DGKB: variants seen among roughly 807,000 people sequenced by gnomAD.
DGKB encodes diacylglycerol kinase beta.
A neutral mutation model predicts 114.3 loss-of-function variants in DGKB; 67 were observed. The ratio of observed to expected loss-of-function variants is 0.59; its 90% confidence interval spans 0.48 to 0.72. DGKB has a LOEUF of 0.72. DGKB is among the 30% of genes least tolerant of loss of function. The pLI, the probability that DGKB is intolerant of heterozygous loss-of-function variation, is 0.00. For synonymous variants in DGKB, 398 were observed against 323.1 expected (o/e 1.23, Z -2.49); for missense variants, 907 against 975.2 (o/e 0.93, Z 0.93).
intron 23 of DGKB, among the ~76,000 whole-genome samples, chr7:14,266,237 T>C (rs941999114): frequency 6.6e-6 from 1 of 152,236 alleles, no homozygotes; most frequent in African/African-American, 2.4e-5. Context: ...TTTTGACTGA[T>C]TGATTCTAAG....
At chr7:14,430,074 A>G (rs1428442084) in intron 21 of DGKB, among the ~76,000 whole-genome samples, 1 of 152,066 alleles carries the variant, frequency 6.6e-6, no homozygotes, top group African/African-American at 2.4e-5. Flanking sequence ...ATTCTTTCAC[A>G]GGAAATATGT....
intron 1 of DGKB, among the ~76,000 whole-genome samples, chr7:14,864,617 G>A (rs201975354): frequency 6.6e-6 from 1 of 152,174 alleles, no homozygotes; most frequent in African/African-American, 2.4e-5. Flanking sequence ...CCGGGCTTTA[G>A]AGAAGAGGTT....
intron 2 of DGKB, among the ~76,000 whole-genome samples, chr7:14,783,184 T>C (rs1269545243): frequency 2.0e-5 from 3 of 152,290 alleles, no homozygotes; most frequent in South Asian, 2.1e-4. Context: ...AAATATTACT[T>C]GAAATAATGA....
chr7:14,961,948 C>T (rs1786869306), intron 1 of DGKB, among the ~76,000 whole-genome samples: 1 of 152,078 alleles, frequency 6.6e-6, no homozygotes, highest in African/African-American at 2.4e-5. Flanking sequence ...AAGTATTGCA[C>T]ACTAATTAAC....
At chr7:14,149,402 T>C (rs1781852817) in intron 25 of DGKB, among the ~76,000 whole-genome samples, 164 bp from the exon 26 acceptor site, 1 of 152,142 alleles carries the variant, frequency 6.6e-6, no homozygotes. Flanking sequence ...TTCAAAAATA[T>C]TTTTAAGGGA....
intron 7 of DGKB, among the ~76,000 whole-genome samples, chr7:14,701,036 A>G (rs1483605076): frequency 6.6e-6 from 1 of 152,178 alleles, no homozygotes; most frequent in African/African-American, 2.4e-5. Context: ...TCTGAAAGCT[A>G]GCAATGATTT....
intron 9 of DGKB, among the ~76,000 whole-genome samples, chr7:14,689,352 T>G (rs924493845): frequency 1.3e-5 from 2 of 152,070 alleles, no homozygotes; most frequent in East Asian, 1.9e-4. Context: ...ATTTTTTGTA[T>G]TTTTAGTAGA....
At chr7:14,454,673 C>A (rs1239454950) in intron 21 of DGKB, among the ~76,000 whole-genome samples, 1 of 151,956 alleles carries the variant, frequency 6.6e-6, no homozygotes, top group Non-Finnish European at 1.5e-5. Context: ...TTTTCACTTT[C>A]TAAGAATCAC....
At chr7:14,833,071 C>T (rs971856936) in intron 2 of DGKB, among the ~76,000 whole-genome samples, 3 of 152,042 alleles carry the variant, frequency 2.0e-5, no homozygotes, top group African/African-American at 7.2e-5. Flanking sequence ...ATCCTTCTTC[C>T]TTAGTCTCCA....
chr7:14,760,695 A>C (rs1181308156), intron 2 of DGKB, among the ~76,000 whole-genome samples: 1 of 152,246 alleles, frequency 6.6e-6, no homozygotes, highest in South Asian at 2.1e-4. Flanking sequence ...GGCCAATGAT[A>C]AAATGGAAGG....
At chr7:14,684,809 T>A (rs1162782731) in intron 10 of DGKB, among the ~76,000 whole-genome samples, 1 of 152,184 alleles carries the variant, frequency 6.6e-6, no homozygotes, top group East Asian at 1.9e-4. Context: ...GCAAATCTAT[T>A]TTTAATCAAT....
At position 14,793,155 on chromosome 7, in the gene DGKB, G is replaced by A. The variant is rs192372278; in HGVS notation, c.71-35424C>T. Among the ~76,000 whole-genome samples the A allele has an allele frequency of 6.0e-3, 914 of 152,146 alleles. 6 individuals carry two copies. The highest frequency in any genetic ancestry group is 0.014 in the Middle Eastern group (4 of 294). On this transcript the variant is annotated intron_variant, in intron 2 of 25. Coordinates refer to ENST00000402815, the MANE Select transcript of DGKB (RefSeq NM_001350709.2). ...ACAGACTTCTTAGAATGCTTAATGGGTTTAATAACAATTCTACATAAATAT... is the reference window on the plus strand; with the variant it reads ...ACAGACTTCTTAGAATGCTTAATGGATTTAATAACAATTCTACATAAATAT...
At chr7:14,539,413 TA>T (rs1216877639) in intron 20 of DGKB, among the ~76,000 whole-genome samples, 1 of 152,240 alleles carries the variant, frequency 6.6e-6, no homozygotes, top group Non-Finnish European at 1.5e-5. Flanking sequence ...TAAAGATGAA[TA>T]AAGCTTAATC....
upstream of DGKB, among the ~76,000 whole-genome samples, chr7:14,904,827 C>T (rs1422608654): frequency 6.6e-6 from 1 of 151,898 alleles, no homozygotes; most frequent in East Asian, 1.9e-4. Context: ...TGAAGAGTAC[C>T]TTTTTTATAC....
chr7:14,464,157 T>A (rs969364754), intron 21 of DGKB, among the ~76,000 whole-genome samples: 2 of 152,082 alleles, frequency 1.3e-5, no homozygotes, highest in African/African-American at 4.8e-5. Flanking sequence ...GAAAATAATT[T>A]TTATCATTAG....
chr7:14,583,007 G>T, intron 18 of DGKB, 45 bp downstream of exon 18: 1 of 1,202,072 alleles, frequency 8.3e-7, no homozygotes. Context: ...AGGATTTAAA[G>T]CTATTGCTCT....
chr7:14,417,701 C>CT (rs144571157), intron 21 of DGKB, among the ~76,000 whole-genome samples: 35,495 of 148,130 alleles, frequency 0.24, 4,846 homozygotes, highest in East Asian at 0.47. Flanking sequence ...TGATTTTTTA[C>CT]TTTTTTTTTT....
intron 23 of DGKB, among the ~76,000 whole-genome samples, chr7:14,207,061 A>G (rs1786944339): frequency 6.6e-6 from 1 of 152,050 alleles, no homozygotes; most frequent in Non-Finnish European, 1.5e-5. Context: ...GGAGTTGAAG[A>G]GGTTGATCAT....
chr7:14,179,597 G>A (rs1782334580), intron 23 of DGKB, among the ~76,000 whole-genome samples: 1 of 152,148 alleles, frequency 6.6e-6, no homozygotes, highest in Non-Finnish European at 1.5e-5. Flanking sequence ...ATAGAGTTTA[G>A]AGATGCTAAT....
Sources: gnomAD v4.1 joint callset for allele counts (sites outside exome capture counted in the v4.1 genomes callset) on GRCh38, gnomAD v4.1.1 for gene constraint, MANE v1.5 for transcripts, NCBI Gene and HGNC (gene_info 2026-07-23, HGNC 2026-07-21) for gene names.